Variants in SOX6 observed in about 807,000 individuals in gnomAD.
The protein encoded by SOX6 is transcription factor SOX-6.
Under a neutral mutation model 97.8 loss-of-function variants are expected in SOX6, and 11 were observed. The ratio of observed to expected loss-of-function variants is 0.11; its 90% confidence interval spans 0.07 to 0.19. SOX6 has a LOEUF of 0.19. Ranked by LOEUF, SOX6 falls within the 10% of genes least tolerant of loss-of-function variation. The probability of loss-of-function intolerance (pLI) is 1.00; values close to 1 mark genes in which losing one functional copy is unlikely to be tolerated. For missense variants in SOX6, 810 were observed against 1,039.5 expected, an observed-to-expected ratio of 0.78 and a Z score of 3.04; for synonymous variants, 360 against 371.4, an observed-to-expected ratio of 0.97 and a Z score of 0.35.
intron 3 of SOX6, among the ~76,000 whole-genome samples, chr11:16,695,415 C>T (rs969887014): frequency 1.3e-5 from 2 of 152,090 alleles, no homozygotes. Flanking sequence ...CATAATATAA[C>T]AGAATAAAAT....
At chr11:16,651,965 C>A (rs1462039836) in intron 3 of SOX6, among the ~76,000 whole-genome samples, 2 of 152,034 alleles carry the variant, frequency 1.3e-5, no homozygotes, top group Non-Finnish European at 2.9e-5. Flanking sequence ...CTGCTATATA[C>A]CAACAATTAC....
At chr11:16,604,935 C>G (rs879844390) in intron 4 of SOX6, among the ~76,000 whole-genome samples, 1 of 152,124 alleles carries the variant, frequency 6.6e-6, no homozygotes, top group Admixed American at 6.5e-5. Context: ...AGCCCGGCAC[C>G]GAGCTAATCT....
At chr11:16,207,894 G>A (rs1377550828) in intron 4 of SOX6, among the ~76,000 whole-genome samples, 1 of 152,060 alleles carries the variant, frequency 6.6e-6, no homozygotes, top group African/African-American at 2.4e-5. Flanking sequence ...ACAAAGGAAT[G>A]AGAAAATTTT....
chr11:16,419,920 T>A (rs2133064040), intron 1 of SOX6, among the ~76,000 whole-genome samples: 1 of 152,292 alleles, frequency 6.6e-6, no homozygotes, highest in African/African-American at 2.4e-5. Context: ...TTTAAGAACA[T>A]CCCTACATGA....
chr11:16,245,805 A>G (rs936016650), intron 3 of SOX6, among the ~76,000 whole-genome samples: 5 of 151,452 alleles, frequency 3.3e-5, no homozygotes, highest in African/African-American at 1.2e-4. Context: ...AACTTTTAAC[A>G]TATTTACATC....
At position 16,545,078 on chromosome 11, in the gene SOX6, A is replaced by G. The variant is rs188730201; in HGVS notation, n.609+67003T>C. ...TATCATTTTTTAAAAACTCATAGAG[A>G]GGAAGAAAATAATATCTAAAATAAA... On this transcript the variant is annotated intron_variant and non_coding_transcript_variant, in intron 4 of 5. Coordinates refer to the SOX6 transcript ENST00000524520. Among the ~76,000 whole-genome samples the G allele has an allele frequency of 9.5e-4, 145 of 152,228 alleles. 2 individuals are homozygous for G. The highest frequency in any genetic ancestry group is 1.2e-3 in the Non-Finnish European group (83 of 68,016).
intron 4 of SOX6, among the ~76,000 whole-genome samples, chr11:16,198,631 G>A (rs1033425816): frequency 2.0e-5 from 3 of 152,032 alleles, no homozygotes; most frequent in African/African-American, 7.3e-5. Context: ...CCTCAGCAGT[G>A]GTGGACATCA....
intron 4 of SOX6, among the ~76,000 whole-genome samples, chr11:16,604,014 C>A (rs1848302917): frequency 6.6e-6 from 1 of 152,352 alleles, no homozygotes; most frequent in Admixed American, 6.5e-5. Context: ...GCTAATTATA[C>A]ATGTGGCATT....
At chr11:15,994,552 A>G (rs774639962) in intron 13 of SOX6, among the ~76,000 whole-genome samples, 3 of 152,122 alleles carry the variant, frequency 2.0e-5, no homozygotes, top group Non-Finnish European at 2.9e-5. Flanking sequence ...TAACCAGAAG[A>G]GTAACATGAA....
intron 4 of SOX6, among the ~76,000 whole-genome samples, chr11:16,207,261 T>C (rs879927426): frequency 1.1e-4 from 16 of 152,160 alleles, no homozygotes; most frequent in Non-Finnish European, 2.1e-4. Context: ...CAAAGTATTA[T>C]TTATTGATAG....
At chr11:16,071,664 A>G (rs2133942929) in intron 9 of SOX6, among the ~76,000 whole-genome samples, 1 of 152,302 alleles carries the variant, frequency 6.6e-6, no homozygotes, top group East Asian at 1.9e-4. Context: ...ACAGGAAGGT[A>G]CAACCCAGTC....
intron 4 of SOX6, among the ~76,000 whole-genome samples, chr11:16,208,273 A>G (rs1852125844): frequency 6.6e-6 from 1 of 152,224 alleles, no homozygotes; most frequent in African/African-American, 2.4e-5. Context: ...CATGTACTCC[A>G]AAAAGCATTT....
At chr11:16,562,928 C>T (rs1441269044) in intron 4 of SOX6, among the ~76,000 whole-genome samples, 2 of 152,260 alleles carry the variant, frequency 1.3e-5, no homozygotes, top group East Asian at 1.9e-4. Flanking sequence ...GTAGCAGCCT[C>T]CCTTCCCTTA....
chr11:16,016,213 G>A (rs1450840217), intron 12 of SOX6, among the ~76,000 whole-genome samples: 1 of 151,996 alleles, frequency 6.6e-6, no homozygotes, highest in Non-Finnish European at 1.5e-5. Context: ...CTACATTTGT[G>A]CTTTCTAATA....
In SOX6 at chr11:16,341,241, G is replaced by A; in HGVS notation, c.8C>T (p.Ser3Phe). The A allele has an allele frequency of 6.2e-7, 1 of 1,613,094 alleles. No homozygotes were observed. The highest frequency in any genetic ancestry group is 8.5e-7 in the Non-Finnish European group (1 of 1,179,436). The stretch of plus-strand genomic sequence containing the variant: ...GGCAAATGGAGAGGTGGCTTGCTTG[G>A]AAGACATTCTTCTGCAGAAAAAAAA... MS[S>F]KQATSPFACA... Residue 3 changes from serine to phenylalanine, a missense_variant, in exon 2 of 16, where the codon TCC (serine) becomes TTC (phenylalanine). Coordinates refer to ENST00000683767, the MANE Select transcript of SOX6 (RefSeq NM_001367873.1).
intron 9 of SOX6, among the ~76,000 whole-genome samples, chr11:16,089,033 C>T (rs960534548): frequency 6.6e-6 from 1 of 152,072 alleles, no homozygotes; most frequent in Non-Finnish European, 1.5e-5. Context: ...AACCTGTAGC[C>T]TGTTGGTTAC....
intron 6 of SOX6, among the ~76,000 whole-genome samples, chr11:16,149,189 C>T (rs2134053324): frequency 6.6e-6 from 1 of 152,206 alleles, no homozygotes; most frequent in East Asian, 1.9e-4. Context: ...ACAAATTACA[C>T]TGAAAGTTCA....
intron 15 of SOX6, among the ~76,000 whole-genome samples, chr11:15,979,724 T>C (rs997286016): frequency 2.0e-5 from 3 of 152,068 alleles, no homozygotes; most frequent in Admixed American, 6.6e-5. Context: ...TCTGCCCACA[T>C]TTCCCAGATA....
At chr11:16,233,562 C>T (rs895210641) in intron 4 of SOX6, among the ~76,000 whole-genome samples, 2 of 152,072 alleles carry the variant, frequency 1.3e-5, no homozygotes, top group East Asian at 3.9e-4. Flanking sequence ...AACATGGGAT[C>T]GTCTGTGTAT....
Sources: allele counts gnomAD v4.1 joint callset (sites outside exome capture counted in the v4.1 genomes callset), GRCh38; gene constraint gnomAD v4.1.1; transcripts MANE v1.5; gene names NCBI Gene and HGNC (gene_info 2026-07-23, HGNC 2026-07-21).